Variants in RASSF6 observed in about 807,000 individuals in gnomAD.
The protein encoded by RASSF6 is Ras association domain family member 6, also known as ras association domain-containing protein 6.
In RASSF6, 52 loss-of-function variants were observed where a neutral mutation model predicts 44.0. The ratio of observed to expected loss-of-function variants is 1.18; its 90% confidence interval spans 0.95 to 1.49. The LOEUF (loss-of-function observed/expected upper bound fraction) is 1.49. Ranked by LOEUF, RASSF6 falls within the 40% of genes most tolerant of loss-of-function variation. The pLI is 0.00. For synonymous variants in RASSF6, 162 were observed against 124.6 expected (o/e 1.30, Z -2.00); for missense variants, 464 against 393.3 (o/e 1.18, Z -1.52).
At position 73,582,272 on chromosome 4, in the gene RASSF6, C is replaced by T; in HGVS notation, c.586G>A (p.Ala196Thr). 6.3e-7 allele frequency: 1 copy of T among 1,584,494 alleles called. No individual in the cohort carries two copies. The highest frequency in any genetic ancestry group is 1.1e-5 in the South Asian group (1 of 87,688). Residue 196 changes from alanine (A) to threonine (T), a missense_variant, in exon 7 of 11, where the codon GCC (alanine) becomes ACC (threonine). Physicochemically the swap from Ala to Thr is moderately conservative, Grantham distance 58 (BLOSUM62 0). Transcript: ENST00000307439. ...YNHETSIFIPAFESETKVRVN... is the reference protein window; with the variant it reads ...YNHETSIFIPTFESETKVRVN... ...CTGACCTTAGTTTCTGATTCAAAGG[C>T]TGGAATGAAAATTGATGTCTAGAAA...
intron 3 of RASSF6, among the ~76,000 whole-genome samples, chr4:73,596,264 T>TAA (rs1030633208): frequency 6.6e-6 from 1 of 152,186 alleles, no homozygotes; most frequent in Non-Finnish European, 1.5e-5. Context: ...AAAAGCTTCT[T>TAA]AAGCTGATAA....
chr4:73,587,755 G>T, intron 5 of RASSF6, 85 bp downstream of exon 5: 1 of 761,828 alleles, frequency 1.3e-6, no homozygotes, highest in Non-Finnish European at 2.3e-6. Context: ...GTATGAAAAA[G>T]GTTAGATTTC....
rs1350013173 is a variant in RASSF6, at chr4:73,575,186, G to A, written c.*1049C>T. The A allele has an allele frequency of 6.6e-6, 1 of 152,152 alleles. No homozygotes were observed. The highest frequency in any genetic ancestry group is 1.5e-5 in the Non-Finnish European group (1 of 68,020). 9.4% of individuals were successfully genotyped at this position (152,152 alleles called of 1,614,324 possible). On this transcript the variant is annotated 3_prime_UTR_variant, in exon 11 of 11. Coordinates refer to ENST00000307439, the MANE Select transcript of RASSF6 (RefSeq NM_177532.5). ...ATCAATTTACTACAATGCTTATGAG[G>A]AATGCAAATGGAATTAGTTTACAGA... is the stretch of plus-strand genomic sequence containing the variant.
intron 8 of RASSF6, among the ~76,000 whole-genome samples, chr4:73,578,469 A>G (rs977541754): frequency 5.3e-5 from 8 of 152,178 alleles, no homozygotes; most frequent in Middle Eastern, 3.2e-3. Flanking sequence ...AATTGGAACA[A>G]ACGAGAAAAG....
chr4:73,589,998 A>G (rs1348272348), intron 4 of RASSF6, among the ~76,000 whole-genome samples: 1 of 152,178 alleles, frequency 6.6e-6, no homozygotes, highest in African/African-American at 2.4e-5. Flanking sequence ...CTTGTCCAAA[A>G]TATGCAAAAG....
At position 73,587,944 on chromosome 4, in the gene RASSF6, A is replaced by G; in HGVS notation, c.288-10T>C. 6.4e-7 allele frequency: 1 copy of G among 1,566,898 alleles called. No individual in the cohort carries two copies. Among genetic ancestry groups the G allele is most frequent in the East Asian group, 2.2e-5 (1 of 44,532 alleles). On this transcript the variant is annotated splice_polypyrimidine_tract_variant and intron_variant, in intron 4 of 10. Transcript: ENST00000307439. The stretch of plus-strand genomic sequence containing the variant: ...CCCCCAGCGTGTCATTCTGAGAAGT[A>G]ATAAATCTTGTAAGTACATCAGTTC...
At chr4:73,608,822 C>T (rs886143106) in intron 2 of RASSF6, among the ~76,000 whole-genome samples, 1 of 152,146 alleles carries the variant, frequency 6.6e-6, no homozygotes, top group African/African-American at 2.4e-5. Context: ...GGAGAAGACC[C>T]TGTATATGAA....
chr4:73,577,015 C>T (rs1268906661), intron 8 of RASSF6, among the ~76,000 whole-genome samples: 1 of 152,116 alleles, frequency 6.6e-6, no homozygotes, highest in Non-Finnish European at 1.5e-5. Context: ...AAGCAATATG[C>T]CTCAATAATT....
chr4:73,588,782 T>C (rs201377511), intron 4 of RASSF6, among the ~76,000 whole-genome samples: 1 of 28,326 alleles, frequency 3.5e-5, no homozygotes, highest in Non-Finnish European at 8.7e-5. Flanking sequence ...TCATCTCCAT[T>C]GTCATCATCA....
intron 2 of RASSF6, 33 bp from the exon 3 acceptor site, chr4:73,598,751 C>A: frequency 1.0e-6 from 1 of 981,484 alleles, no homozygotes; most frequent in South Asian, 1.6e-5. Flanking sequence ...TACAATCAGT[C>A]TTAGAGTTTT....
chr4:73,589,527 G>GT (rs1047809752), intron 4 of RASSF6, among the ~76,000 whole-genome samples: 18 of 152,100 alleles, frequency 1.2e-4, no homozygotes, highest in African/African-American at 4.3e-4. Context: ...TGACAGCTTA[G>GT]TTTTGTCACA....
At chr4:73,608,697 T>C (rs1725811925) in intron 2 of RASSF6, among the ~76,000 whole-genome samples, 3 of 152,244 alleles carry the variant, frequency 2.0e-5, no homozygotes, top group East Asian at 1.9e-4. Context: ...GGCTCTCTTA[T>C]ACTTTAATTA....
chr4:73,594,966 A>G (rs529701299), intron 3 of RASSF6, among the ~76,000 whole-genome samples: 1 of 152,242 alleles, frequency 6.6e-6, no homozygotes, highest in Non-Finnish European at 1.5e-5. Flanking sequence ...CATTCAATAA[A>G]TATTTGTTTA....
intron 2 of RASSF6, among the ~76,000 whole-genome samples, chr4:73,600,044 T>C (rs1166327759): frequency 6.6e-6 from 1 of 152,218 alleles, no homozygotes; most frequent in Non-Finnish European, 1.5e-5. Context: ...TCTTCTTTAA[T>C]TATTTAATCA....
rs567802201 is a variant in RASSF6, at chr4:73,619,186, G to A, written c.-35+1102C>T. On this transcript the variant is annotated intron_variant, in intron 1 of 10. Transcript: ENST00000307439. Reference sequence around the variant, plus strand: ...CATGAATTCCACAATATGAGATTGTGTGTAACTCTCTTACTCTAAAATTCT... The same window carrying A: ...CATGAATTCCACAATATGAGATTGTATGTAACTCTCTTACTCTAAAATTCT... Among the ~76,000 whole-genome samples, 20 of 152,328 alleles carry A rather than the reference G, an allele frequency of 1.3e-4. 1 individual carries two copies. The highest frequency in any genetic ancestry group is 4.1e-4 in the African/African-American group (17 of 41,576).
rs766227415 is a variant in RASSF6 at position 73,585,382 on chromosome 4, T to A, written c.383-18A>T. 6.6e-7 allele frequency: 1 copy of A among 1,524,240 alleles called. No homozygotes were observed. Among genetic ancestry groups the A allele is most frequent in the Non-Finnish European group, 8.8e-7 (1 of 1,131,912 alleles). The allele number at this position is 1,524,240 out of a possible 1,614,324, so 94.4% of individuals were successfully genotyped here. ...TAAATAGTCTGGGAAGAATAGATTA[T>A]AAGCTCATATCATTCAGCTGCCTGT... is the stretch of plus-strand genomic sequence containing the variant. On this transcript the variant is annotated intron_variant, in intron 5 of 10. Transcript: ENST00000307439.
At chr4:73,614,015 G>GA (rs1284457094) in intron 1 of RASSF6, among the ~76,000 whole-genome samples, 1 of 152,134 alleles carries the variant, frequency 6.6e-6, no homozygotes, top group Non-Finnish European at 1.5e-5. Context: ...CTACATGGCT[G>GA]AAAAAGAACC....
At chr4:73,613,038 GTGGGAAATCTTAAA>G (rs1186654438) in intron 1 of RASSF6, among the ~76,000 whole-genome samples, 1 of 152,160 alleles carries the variant, frequency 6.6e-6, no homozygotes. Context: ...TTAGTCCCCA[GTGGGAAATCTTAAA>G]GTCTCCCCAT....
chr4:73,582,186 TA>T lies in RASSF6; in HGVS notation c.669+2del, dbSNP rs764747553. On this transcript the variant is annotated splice_donor_variant, in intron 7 of 10. Transcript: ENST00000307439. LOFTEE classifies it high-confidence loss of function. The stretch of plus-strand genomic sequence containing the variant: ...TATAGCTCAGTTAAGTGATAAAGGT[TA>T]CCTTAAATTTTTGGAGAAGTTGCTT... 34 of 1,399,314 alleles carry T rather than the reference TA, an allele frequency of 2.4e-5. 1 individual carries two copies. Among genetic ancestry groups the T allele is most frequent in the Non-Finnish European group, 3.0e-5 (30 of 1,000,366 alleles). The allele number at this position is 1,399,314 out of a possible 1,614,324, so 86.7% of individuals were successfully genotyped here.
Sources: allele counts gnomAD v4.1 joint callset (sites outside exome capture counted in the v4.1 genomes callset), GRCh38; gene constraint gnomAD v4.1.1; transcripts MANE v1.5; gene names NCBI Gene and HGNC (gene_info 2026-07-23, HGNC 2026-07-21).